The following MORN1 variants were observed in gnomAD, a reference collection of about 807,000 sequenced individuals.
MORN1 encodes the protein MORN repeat containing 1.
MORN1 carries 67 observed loss-of-function variants against 61.9 expected under a neutral mutation model. That is an observed-to-expected ratio of 1.08 (90% CI 0.89 to 1.33). MORN1 has a LOEUF of 1.33. Ranked by LOEUF, MORN1 falls within the 40% of genes most tolerant of loss-of-function variation. The pLI is 0.00. For missense variants in MORN1, 752 were observed against 691.2 expected (o/e 1.09, Z -0.99); for synonymous variants, 301 against 292.0 (o/e 1.03, Z -0.31).
At chr1:2,335,501 A>AG (rs1641246046) in intron 12 of MORN1, among the ~76,000 whole-genome samples, 1 of 152,182 alleles carries the variant, frequency 6.6e-6, no homozygotes, top group South Asian at 2.1e-4. Flanking sequence ...GGGCGGCGAC[A>AG]GGGGTCTGGT....
In MORN1 at chr1:2,372,464, C is replaced by T. The variant is rs370112976; in HGVS notation, c.745+17G>A. 13 of 1,593,644 alleles carry T rather than the reference C, an allele frequency of 8.2e-6. No individual in the cohort carries two copies. The highest frequency in any genetic ancestry group is 2.7e-5 in the African/African-American group (2 of 74,172). ...TCTTTTGGAAACGTTAGGTCATCTCCCCCTGGAGATGCTTACTCTTGGCAA... is the reference window on the plus strand; with the variant it reads ...TCTTTTGGAAACGTTAGGTCATCTCTCCCTGGAGATGCTTACTCTTGGCAA... On this transcript the variant is annotated intron_variant, in intron 8 of 13. Coordinates refer to ENST00000378531, the MANE Select transcript of MORN1 (RefSeq NM_024848.3). The surrounding 1 kb of genome is among the most constrained non-coding windows in gnomAD (Gnocchi z 5.4).
chr1:2,390,318 G>T, intron 1 of MORN1: 1 of 710,160 alleles, frequency 1.4e-6, no homozygotes, highest in Non-Finnish European at 1.7e-6. Flanking sequence ...GGAGCAGGTT[G>T]GGAGCCTTGT....
intron 6 of MORN1, among the ~76,000 whole-genome samples, chr1:2,382,790 G>A (rs1642402374): frequency 6.6e-6 from 1 of 152,194 alleles, no homozygotes; most frequent in Non-Finnish European, 1.5e-5. Context: ...AGCAGGGGCA[G>A]CAACGACGCT....
chr1:2,346,439 G>A (rs1056913479), intron 10 of MORN1, among the ~76,000 whole-genome samples: 4 of 152,190 alleles, frequency 2.6e-5, no homozygotes, highest in African/African-American at 7.2e-5. Context: ...AGGATGGAGT[G>A]CCGTGGCGCA....
At chr1:2,390,707 G>A in intron 1 of MORN1, 1 of 985,126 alleles carries the variant, frequency 1.0e-6, no homozygotes, top group Non-Finnish European at 1.2e-6. Context: ...GTTCATTCCA[G>A]ACCCGTTTAT....
rs1642534454 is a variant in MORN1 at position 2,387,537 on chromosome 1, T to C, written c.248-8A>G. ...GTCCAGAGAAGGTGTCTCCTGCATGTGGACAAGGAGGAGGGGAGACAGGAG... is the reference window on the plus strand; with the variant it reads ...GTCCAGAGAAGGTGTCTCCTGCATGCGGACAAGGAGGAGGGGAGACAGGAG... On this transcript the variant is annotated splice_region_variant and splice_polypyrimidine_tract_variant and intron_variant, in intron 3 of 13. Coordinates refer to ENST00000378531, the MANE Select transcript of MORN1 (RefSeq NM_024848.3). The C allele has an allele frequency of 6.3e-7, 1 of 1,599,964 alleles. No individual in the cohort carries two copies. The highest frequency in any genetic ancestry group is 1.3e-5 in the African/African-American group (1 of 74,692).
chr1:2,370,227 C>T (rs1390607478), intron 8 of MORN1, among the ~76,000 whole-genome samples: 1 of 152,144 alleles, frequency 6.6e-6, no homozygotes, highest in East Asian at 1.9e-4. Context: ...ACCAAGGTGC[C>T]AGGGCAACTC....
At chr1:2,379,117 G>A (rs1030740269) in intron 6 of MORN1, 16 of 471,078 alleles carry the variant, frequency 3.4e-5, no homozygotes, top group African/African-American at 2.0e-4. Flanking sequence ...ACCTGCTGTC[G>A]AGAGGGAGAA....
intron 8 of MORN1, among the ~76,000 whole-genome samples, chr1:2,364,215 T>C (rs1005288759): frequency 3.9e-5 from 6 of 152,098 alleles, no homozygotes; most frequent in African/African-American, 1.4e-4. Context: ...AGAAAGTAAT[T>C]TCACAGTGAT....
chr1:2,390,053 T>G, intron 1 of MORN1, 57 bp from the exon 2 acceptor site: 4 of 1,501,096 alleles, frequency 2.7e-6, no homozygotes, highest in Non-Finnish European at 2.8e-6. Context: ...AGGGATGCTC[T>G]CCAGTGCTGA....
intron 10 of MORN1, chr1:2,351,660 G>T: frequency 2.7e-6 from 1 of 373,944 alleles, no homozygotes. Flanking sequence ...GGAGGGGCCC[G>T]AAACCCGCTT....
At chr1:2,383,612 G>A (rs1015209681) in intron 6 of MORN1, among the ~76,000 whole-genome samples, 2 of 152,262 alleles carry the variant, frequency 1.3e-5, no homozygotes, top group Non-Finnish European at 2.9e-5. Context: ...AGGAACGAGG[G>A]ACTCCTCTCC....
At chr1:2,351,387 G>C (rs1641642285) in intron 10 of MORN1, 1 of 157,346 alleles carries the variant, frequency 6.4e-6, no homozygotes. Flanking sequence ...TCCTCCTGCA[G>C]GGGTGGCTGG....
intron 8 of MORN1, among the ~76,000 whole-genome samples, chr1:2,370,577 T>C (rs963093825): frequency 6.6e-5 from 10 of 152,212 alleles, no homozygotes; most frequent in African/African-American, 2.4e-4. Flanking sequence ...GGAAAGCATT[T>C]GCAAAGACAT....
intron 10 of MORN1, among the ~76,000 whole-genome samples, chr1:2,347,197 G>C (rs542410143): frequency 2.6e-5 from 4 of 152,332 alleles, no homozygotes; most frequent in African/African-American, 9.6e-5. Flanking sequence ...TTCCCACTTA[G>C]AGTGGCAGGG....
chr1:2,363,826 A>AT (rs1491196163), intron 8 of MORN1, among the ~76,000 whole-genome samples: 14,644 of 60,970 alleles, frequency 0.24, 975 homozygotes, highest in East Asian at 0.4. Flanking sequence ...ATATATATAT[A>AT]AAAAAAATCA....
intron 12 of MORN1, among the ~76,000 whole-genome samples, 185 bp from the exon 13 acceptor site, chr1:2,324,328 G>A (rs1273658271): frequency 6.6e-6 from 1 of 152,220 alleles, no homozygotes; most frequent in Non-Finnish European, 1.5e-5. Context: ...CCTGCACCCA[G>A]CTCTCTGCAC....
At position 2,388,293 on chromosome 1, in the gene MORN1, C is replaced by T; in HGVS notation, c.193G>A (p.Ala65Thr). ...CCCGTGATCTCTCCGTCCACAAACG[C>T]CCCTTCGTAATAACTGCCATCTTTA... ...LFKDGSYYEG[A>T]FVDGEITGEG... Residue 65 changes from alanine to threonine, a missense_variant, in exon 3 of 14, where the codon GCG becomes ACG. Transcript: ENST00000378531. 1 of 1,614,042 alleles carries T rather than the reference C, an allele frequency of 6.2e-7. No homozygotes were observed. Among genetic ancestry groups the T allele is most frequent in the Non-Finnish European group, 8.5e-7 (1 of 1,180,012 alleles).
rs1446952824 is a variant in MORN1 at position 2,387,517 on chromosome 1, G to C, written c.260C>G (p.Ser87Cys). The change falls in exon 4 of 14, where the codon TCT becomes TGT. Residue 87 changes from serine (S) to cysteine (C), a missense_variant. Ser to Cys is a moderately radical substitution (Grantham distance 112). Coordinates refer to ENST00000378531, the MANE Select transcript of MORN1 (RefSeq NM_024848.3). ...AGGCTCTCCCAGAACAAACTGTCCA[G>C]AGAAGGTGTCTCCTGCATGTGGACA... ...RHWAWSGDTFSGQFVLGEPQG... is the reference protein window; with the variant it reads ...RHWAWSGDTFCGQFVLGEPQG... 1.2e-6 allele frequency: 2 copies of C among 1,611,938 alleles called. No homozygotes were observed. The highest frequency in any genetic ancestry group is 1.7e-5 in the Admixed American group (1 of 60,026).
Sources: gnomAD v4.1 joint callset for allele counts (sites outside exome capture counted in the v4.1 genomes callset) on GRCh38, gnomAD v4.1.1 for gene constraint, Gnocchi (gnomAD v3.1) non-coding constraint, MANE v1.5 for transcripts, NCBI Gene and HGNC (gene_info 2026-07-23, HGNC 2026-07-21) for gene names.